Variants in GPC5 observed in about 807,000 individuals in gnomAD.
The protein encoded by GPC5 is glypican-5.
GPC5 carries 47 observed loss-of-function variants against 53.9 expected under a neutral mutation model. The ratio of observed to expected loss-of-function variants is 0.87; its 90% CI spans 0.69 to 1.11. The LOEUF (loss-of-function observed/expected upper bound fraction) is 1.11. Ranked by LOEUF, GPC5 falls within the 50% of genes most tolerant of loss-of-function variation. GPC5 has a pLI of 0.00. For synonymous variants in GPC5, 286 were observed against 263.3 expected (o/e 1.09, Z -0.84); for missense variants, 748 against 713.1 (o/e 1.05, Z -0.56).
chr13:92,321,321 C>T (rs953747621), intron 7 of GPC5, among the ~76,000 whole-genome samples: 3 of 152,210 alleles, frequency 2.0e-5, no homozygotes, highest in Admixed American at 1.3e-4. Context: ...TTGCCAGGCA[C>T]GGTGGCTGAC....
chr13:92,358,878 A>C (rs1162193329), intron 7 of GPC5, among the ~76,000 whole-genome samples: 2 of 151,646 alleles, frequency 1.3e-5, no homozygotes, highest in African/African-American at 4.9e-5. Flanking sequence ...GTAGCTACTG[A>C]GAAGGTCTTT....
chr13:92,694,590 A>G (rs934432232), intron 7 of GPC5, among the ~76,000 whole-genome samples: 8 of 152,152 alleles, frequency 5.3e-5, no homozygotes, highest in Non-Finnish European at 8.8e-5. Flanking sequence ...AATTTCTCCA[A>G]TTTGCAATGA....
chr13:92,593,519 A>G (rs1883778582), intron 7 of GPC5, among the ~76,000 whole-genome samples: 1 of 151,270 alleles, frequency 6.6e-6, no homozygotes, highest in East Asian at 1.9e-4. Flanking sequence ...AGCTCAGGAT[A>G]GATGTCAGAG....
intron 7 of GPC5, among the ~76,000 whole-genome samples, chr13:92,627,966 T>A (rs963671264): frequency 3.3e-5 from 5 of 152,184 alleles, no homozygotes; most frequent in Non-Finnish European, 4.4e-5. Context: ...TAATATGACA[T>A]TGGTGTGGTA....
intron 7 of GPC5, among the ~76,000 whole-genome samples, chr13:92,732,104 A>G (rs1888823614): frequency 6.6e-6 from 1 of 151,506 alleles, no homozygotes; most frequent in African/African-American, 2.4e-5. Flanking sequence ...TGACAACTAC[A>G]GATTAGAAGA....
intron 6 of GPC5, among the ~76,000 whole-genome samples, chr13:92,088,730 A>T (rs1382648820): frequency 3.9e-5 from 6 of 152,168 alleles, no homozygotes; most frequent in Non-Finnish European, 8.8e-5. Flanking sequence ...CACATATATG[A>T]GTAATGATAT....
intron 2 of GPC5, among the ~76,000 whole-genome samples, chr13:91,609,366 A>G (rs1594326092): frequency 6.6e-6 from 1 of 152,112 alleles, no homozygotes. Context: ...TGAAATAGCC[A>G]AAAACAATAC....
chr13:91,628,136 G>A (rs1467471759), intron 2 of GPC5, among the ~76,000 whole-genome samples: 1 of 152,086 alleles, frequency 6.6e-6, no homozygotes. Context: ...TGGTGTTAAT[G>A]TTACCTTACA....
At chr13:92,602,220 AATATATATATAACATAT>A (rs1263641978) in intron 7 of GPC5, among the ~76,000 whole-genome samples, 29 of 110,242 alleles carry the variant, frequency 2.6e-4, no homozygotes, top group African/African-American at 9.3e-4. Context: ...CATATATATA[AATATATATATAACATAT>A]ATATATATAT....
Position 91,779,296 on chromosome 13 carries a change from A to G in GPC5, c.1280+22876A>G, listed in dbSNP as rs146799540. Among the ~76,000 whole-genome samples the G allele has an allele frequency of 3.9e-3, 588 of 152,296 alleles. 15 individuals carry two copies. The highest frequency in any genetic ancestry group is 0.034 in the Admixed American group (518 of 15,294). On this transcript the variant is annotated intron_variant, in intron 5 of 7. Coordinates refer to ENST00000377067, the MANE Select transcript of GPC5 (RefSeq NM_004466.6). ...AACACTTAGCTTAAAACACAAACAC[A>G]TGGTGGAGCTGTACAAAAATATTTT...
chr13:91,956,708 CCT>C (rs1478516834), intron 6 of GPC5, among the ~76,000 whole-genome samples: 2 of 152,164 alleles, frequency 1.3e-5, no homozygotes, highest in Admixed American at 1.3e-4. Context: ...ACAATACTAC[CCT>C]GTTTACAGCT....
intron 7 of GPC5, among the ~76,000 whole-genome samples, chr13:92,206,147 T>G (rs1475550051): frequency 9.3e-6 from 1 of 108,102 alleles, no homozygotes; most frequent in Non-Finnish European, 1.8e-5. Flanking sequence ...CGTTGTTGTG[T>G]TTTTTTTATT....
At chr13:92,821,011 T>C in intron 7 of GPC5, among the ~76,000 whole-genome samples, 1 of 152,118 alleles carries the variant, frequency 6.6e-6, no homozygotes. Context: ...TGCTTAAAAG[T>C]CATTTTCTGT....
intron 7 of GPC5, among the ~76,000 whole-genome samples, chr13:92,738,760 A>G (rs1889008780): frequency 6.6e-6 from 1 of 152,052 alleles, no homozygotes; most frequent in Non-Finnish European, 1.5e-5. Context: ...TGTAGACCAA[A>G]AATTCTGTAG....
intron 7 of GPC5, among the ~76,000 whole-genome samples, chr13:92,666,991 T>C (rs1886594205): frequency 6.6e-6 from 1 of 152,160 alleles, no homozygotes; most frequent in African/African-American, 2.4e-5. Flanking sequence ...TGCCACCCTA[T>C]ACTGAAGCAT....
intron 7 of GPC5, among the ~76,000 whole-genome samples, chr13:92,327,087 A>G (rs1321721685): frequency 6.6e-6 from 1 of 152,102 alleles, no homozygotes; most frequent in African/African-American, 2.4e-5. Context: ...GATTTCTAGC[A>G]GGGAAAAATG....
intron 7 of GPC5, among the ~76,000 whole-genome samples, chr13:92,202,192 G>T (rs1402465766): frequency 1.3e-5 from 2 of 152,130 alleles, no homozygotes; most frequent in African/African-American, 4.8e-5. Flanking sequence ...CTGTAGCTTG[G>T]TCATTAGTAA....
At chr13:92,406,711 T>G (rs541446476) in intron 7 of GPC5, among the ~76,000 whole-genome samples, 1 of 152,336 alleles carries the variant, frequency 6.6e-6, no homozygotes, top group Admixed American at 6.5e-5. Context: ...GTGTGTTTTC[T>G]TATCTCAGAG....
chr13:91,560,807 C>A (rs2031217744), intron 2 of GPC5, among the ~76,000 whole-genome samples: 2 of 152,032 alleles, frequency 1.3e-5, no homozygotes, highest in Admixed American at 1.3e-4. Flanking sequence ...ATCTGAAGAA[C>A]CAGTAGCCAA....
Sources: allele counts gnomAD v4.1 joint callset (sites outside exome capture counted in the v4.1 genomes callset), GRCh38; gene constraint gnomAD v4.1.1; transcripts MANE v1.5; gene names NCBI Gene and HGNC (gene_info 2026-07-23, HGNC 2026-07-21).